Variants in PRKCZ observed in about 807,000 individuals in gnomAD.
PRKCZ encodes protein kinase C zeta type.
In PRKCZ, 33 loss-of-function variants were observed where a neutral mutation model predicts 79.5. The ratio of observed to expected loss-of-function variants is 0.41; its 90% CI spans 0.31 to 0.55. The LOEUF is 0.55. Among genes scored for constraint, PRKCZ ranks in the 20% least tolerant of loss-of-function variants. The pLI is 0.19. For missense variants in PRKCZ, 578 were observed against 813.5 expected (o/e 0.71, Z 3.52); for synonymous variants, 342 against 320.9 (o/e 1.07, Z -0.70).
chr1:2,181,771 C>A (rs1246247371), intron 16 of PRKCZ: 2 of 454,138 alleles, frequency 4.4e-6, no homozygotes, highest in Non-Finnish European at 8.8e-6. Context: ...TGTAAAGCAG[C>A]ACAGGACTAA....
rs1350717792 is a variant in PRKCZ at position 2,172,292 on chromosome 1, C to T, written c.1198-9C>T. The T allele has an allele frequency of 2.5e-6, 4 of 1,613,590 alleles. No individual in the cohort carries two copies. In the South Asian group the frequency reaches 4.4e-5, roughly 18 times the overall value. On this transcript the variant is annotated splice_polypyrimidine_tract_variant and intron_variant, in intron 12 of 17. Coordinates refer to ENST00000378567, the MANE Select transcript of PRKCZ (RefSeq NM_002744.6). This position sits in a 1 kb window ranked among gnomAD's most constrained non-coding sequence, Gnocchi z 7.8. ...CAAGAACCCTCTCCCAGTAACTTTG[C>T]CCCCACAGGAAGGCCTGGGCCCTGG... is the stretch of plus-strand genomic sequence containing the variant.
rs1356421995 is a variant in PRKCZ at position 2,125,611 on chromosome 1, C to T, written c.335-9651C>T. On this transcript the variant is annotated intron_variant, in intron 4 of 17. Transcript: ENST00000378567. The surrounding 1 kb of genome is among the most constrained non-coding windows in gnomAD (Gnocchi z 4.2). ...GACTGTGGGTCCCCGTGGCCCCTGA[C>T]ATGCTCCCAGGGAACCCAAGAAAAG... Among the ~76,000 whole-genome samples, 1 of 152,244 alleles carries T rather than the reference C, an allele frequency of 6.6e-6. No homozygotes were observed.
At chr1:2,087,663 C>T (rs576226876) in intron 4 of PRKCZ, among the ~76,000 whole-genome samples, 4 of 152,060 alleles carry the variant, frequency 2.6e-5, no homozygotes, top group African/African-American at 2.4e-5. Flanking sequence ...AATATGTGTG[C>T]GATGCCAGCA....
At chr1:2,126,400 C>A (rs998370235) in intron 4 of PRKCZ, among the ~76,000 whole-genome samples, 1 of 152,084 alleles carries the variant, frequency 6.6e-6, no homozygotes, top group Non-Finnish European at 1.5e-5. Flanking sequence ...GGCAGGTCCC[C>A]CATCACGTGT....
At chr1:2,056,383 G>C in intron 2 of PRKCZ, 101 bp from the exon 3 acceptor site, 1 of 1,076,678 alleles carries the variant, frequency 9.3e-7, no homozygotes, top group East Asian at 2.8e-5. Flanking sequence ...TCGGGACTTT[G>C]CCCCCCACCA....
intron 3 of PRKCZ, among the ~76,000 whole-genome samples, chr1:2,056,942 A>G (rs930770811): frequency 2.6e-5 from 4 of 152,002 alleles, no homozygotes; most frequent in African/African-American, 9.7e-5. Flanking sequence ...GTTAGCCAGG[A>G]TGGTCTCAGT....
chr1:2,099,184 C>T (rs1193104023), intron 4 of PRKCZ, among the ~76,000 whole-genome samples: 1 of 152,130 alleles, frequency 6.6e-6, no homozygotes, highest in Non-Finnish European at 1.5e-5. Context: ...TCACCATCAT[C>T]CAGGGCCACG....
intron 16 of PRKCZ, among the ~76,000 whole-genome samples, chr1:2,181,138 C>A (rs262692): frequency 0.32 from 47,736 of 149,286 alleles, 8,080 homozygotes; most frequent in South Asian, 0.39. Flanking sequence ...CCTGGCCCTA[C>A]GGACAGCAGG....
rs548948097 is a variant in PRKCZ, at chr1:2,148,005, C to T, written c.635-867C>T. ...TTGTCCACTGACCTCTCCATCTATC[C>T]ATCCATCTATTGTCCACTGACCTCT... On this transcript the variant is annotated intron_variant, in intron 7 of 17. Coordinates refer to ENST00000378567, the MANE Select transcript of PRKCZ (RefSeq NM_002744.6). Among the ~76,000 whole-genome samples, 19 of 149,720 alleles carry T rather than the reference C, an allele frequency of 1.3e-4. No individual in the cohort carries two copies. The South Asian group carries it at 1.5e-3, about 12-fold the overall frequency.
chr1:2,071,291 C>A (rs1661560852), intron 4 of PRKCZ: 2 of 430,894 alleles, frequency 4.6e-6, no homozygotes, highest in Non-Finnish European at 4.6e-6. Context: ...GCCGTCTCTC[C>A]CACCCAGGGA....
At chr1:2,152,544 A>C (rs1680102433) in intron 9 of PRKCZ, among the ~76,000 whole-genome samples, 2 of 152,190 alleles carry the variant, frequency 1.3e-5, no homozygotes, top group Non-Finnish European at 1.5e-5. Flanking sequence ...AAAAATAATA[A>C]AATATGCAAA....
At chr1:2,137,438 T>C (rs576545914) in intron 5 of PRKCZ, among the ~76,000 whole-genome samples, 4 of 152,300 alleles carry the variant, frequency 2.6e-5, no homozygotes, top group Middle Eastern at 3.4e-3. Flanking sequence ...CTAGGCATCC[T>C]TCAACCCAGT....
At chr1:2,124,832 C>T (rs1015819314) in intron 4 of PRKCZ, among the ~76,000 whole-genome samples, 1 of 151,974 alleles carries the variant, frequency 6.6e-6, no homozygotes, top group Admixed American at 6.6e-5. Context: ...GCAACACCTT[C>T]TCTTCTGACG....
chr1:2,101,140 T>C (rs1427436715), intron 4 of PRKCZ, among the ~76,000 whole-genome samples: 2 of 152,010 alleles, frequency 1.3e-5, no homozygotes, highest in Non-Finnish European at 2.9e-5. Flanking sequence ...GACATGTGAG[T>C]TCCCAACTCT....
chr1:2,106,381 C>T (rs983274198), intron 4 of PRKCZ, among the ~76,000 whole-genome samples: 5 of 152,244 alleles, frequency 3.3e-5, no homozygotes, highest in African/African-American at 9.6e-5. Flanking sequence ...GCACTCCAGC[C>T]GATACCTGTG....
chr1:2,100,620 G>A (rs567709648), intron 4 of PRKCZ, among the ~76,000 whole-genome samples: 4 of 152,166 alleles, frequency 2.6e-5, no homozygotes, highest in Non-Finnish European at 4.4e-5. Flanking sequence ...GTGTGCGAGC[G>A]GGGCCTCGGG....
Position 2,136,888 on chromosome 1 carries a change from G to A in PRKCZ, c.420+1541G>A, listed in dbSNP as rs982064145. On this transcript the variant is annotated intron_variant, in intron 5 of 17. Coordinates refer to ENST00000378567, the MANE Select transcript of PRKCZ (RefSeq NM_002744.6). ...CAGTCTGGGGCTGGAAGTCCAAAAC[G>A]AAGGTGTCTTTATGAGTCAGGGTTC... 3.3e-5 allele frequency among the ~76,000 whole-genome samples: 5 copies of A among 152,328 alleles called. No individual in the cohort carries two copies. In the South Asian group the frequency reaches 8.3e-4, roughly 25 times the overall value.
intron 10 of PRKCZ, among the ~76,000 whole-genome samples, chr1:2,158,334 T>A (rs1463262302): frequency 6.6e-6 from 1 of 152,228 alleles, no homozygotes; most frequent in Non-Finnish European, 1.5e-5. Flanking sequence ...CCCCAGTTGC[T>A]TCTGGGGTAA....
chr1:2,100,119 G>T (rs1333113891), intron 4 of PRKCZ, among the ~76,000 whole-genome samples: 2 of 152,188 alleles, frequency 1.3e-5, no homozygotes, highest in African/African-American at 4.8e-5. Flanking sequence ...AGGGCCAGTG[G>T]GGAGACAGCT....
Sources: gnomAD v4.1 joint callset for allele counts (sites outside exome capture counted in the v4.1 genomes callset) on GRCh38, gnomAD v4.1.1 for gene constraint, Gnocchi (gnomAD v3.1) non-coding constraint, MANE v1.5 for transcripts, NCBI Gene and HGNC (gene_info 2026-07-23, HGNC 2026-07-21) for gene names.